THADA: variants seen among roughly 807,000 people sequenced by gnomAD.
THADA encodes the protein tRNA (32-2'-O)-methyltransferase regulator THADA.
THADA carries 213 observed loss-of-function variants against 219.8 expected under a neutral mutation model. The observed-to-expected ratio is 0.97, with a 90% CI of 0.87 to 1.09. THADA has a LOEUF of 1.09. Ranked by LOEUF, THADA falls within the 50% of genes least tolerant of loss-of-function variation. THADA has a pLI of 0.00. For synonymous variants in THADA, 1,018 were observed against 828.9 expected (o/e 1.23, Z -3.92); for missense variants, 2,956 against 2,311.3 (o/e 1.28, Z -5.72).
chr2:43,273,976 C>CCA (rs1210102231), intron 36 of THADA, among the ~76,000 whole-genome samples: 4 of 152,112 alleles, frequency 2.6e-5, no homozygotes, highest in Non-Finnish European at 2.9e-5. Context: ...CCTCACAATG[C>CCA]CACTTGCCTA....
intron 26 of THADA, among the ~76,000 whole-genome samples, chr2:43,476,698 G>A (rs778629623): frequency 9.9e-5 from 15 of 152,020 alleles, no homozygotes; most frequent in African/African-American, 2.7e-4. Flanking sequence ...ATGTTATGTC[G>A]TTCTCCCTGT....
chr2:43,265,104 G>C (rs936802106), intron 36 of THADA, among the ~76,000 whole-genome samples: 2 of 152,166 alleles, frequency 1.3e-5, no homozygotes, highest in Non-Finnish European at 2.9e-5. Context: ...TCTCAGAGTC[G>C]AATTTAAAAT....
intron 36 of THADA, among the ~76,000 whole-genome samples, chr2:43,261,366 G>A (rs1670923842): frequency 6.6e-6 from 1 of 151,406 alleles, no homozygotes; most frequent in Non-Finnish European, 1.5e-5. Context: ...TGGGACTACA[G>A]GCATGCACCA....
chr2:43,417,535 G>C (rs1039420867), intron 28 of THADA, among the ~76,000 whole-genome samples: 55 of 152,094 alleles, frequency 3.6e-4, no homozygotes, highest in African/African-American at 1.3e-3. Context: ...CTTTTCTCCT[G>C]ATTTCAGATT....
intron 25 of THADA, among the ~76,000 whole-genome samples, chr2:43,494,369 C>T (rs12478601): frequency 0.61 from 91,995 of 152,008 alleles, 29,098 homozygotes; most frequent in African/African-American, 0.77. Flanking sequence ...GTTAGTACCA[C>T]TCAATAAAAT....
chr2:43,472,310 C>A (rs1045281551), intron 26 of THADA, among the ~76,000 whole-genome samples: 1 of 152,166 alleles, frequency 6.6e-6, no homozygotes, highest in African/African-American at 2.4e-5. Context: ...AATTGAAATA[C>A]GTTTTTCCAA....
chr2:43,373,776 C>T (rs976800599), intron 29 of THADA, among the ~76,000 whole-genome samples: 7 of 152,140 alleles, frequency 4.6e-5, no homozygotes, highest in African/African-American at 1.7e-4. Context: ...ATGAGCCTGC[C>T]CAAGTCTAAT....
At chr2:43,544,591 G>A (rs1330266983) in intron 20 of THADA, among the ~76,000 whole-genome samples, 107 of 150,618 alleles carry the variant, frequency 7.1e-4, no homozygotes, top group East Asian at 2.3e-3. Context: ...GGTCCTTCAC[G>A]TCCCTTGTAA....
chr2:43,548,247 C>T (rs909904996), intron 20 of THADA, among the ~76,000 whole-genome samples: 6 of 152,162 alleles, frequency 3.9e-5, no homozygotes, highest in Admixed American at 6.5e-5. Context: ...GAGGGGTACC[C>T]GGCCATGTGA....
intron 21 of THADA, among the ~76,000 whole-genome samples, chr2:43,532,326 C>A (rs1232665912): frequency 1.3e-5 from 2 of 150,010 alleles, no homozygotes; most frequent in Non-Finnish European, 3.0e-5. Flanking sequence ...GGCAGGAGAC[C>A]CGTTTGAACC....
chr2:43,242,042 C>G (rs573718357), intron 36 of THADA, among the ~76,000 whole-genome samples: 32 of 152,252 alleles, frequency 2.1e-4, no homozygotes, highest in Non-Finnish European at 1.3e-4. Flanking sequence ...TTTCACTTAG[C>G]CTGCCGGCCT....
At chr2:43,267,559 C>T (rs542608726) in intron 36 of THADA, among the ~76,000 whole-genome samples, 2 of 152,326 alleles carry the variant, frequency 1.3e-5, no homozygotes, top group East Asian at 3.9e-4. Context: ...TGGCTGAGAT[C>T]TGTGGCAGAT....
intron 26 of THADA, among the ~76,000 whole-genome samples, chr2:43,445,632 T>C (rs1049993125): frequency 6.6e-6 from 1 of 152,250 alleles, no homozygotes; most frequent in African/African-American, 2.4e-5. Flanking sequence ...CTTGTTTCCC[T>C]GCCGATCCTC....
chr2:43,261,087 T>G (rs1670880519), intron 36 of THADA, among the ~76,000 whole-genome samples: 1 of 152,206 alleles, frequency 6.6e-6, no homozygotes, highest in Non-Finnish European at 1.5e-5. Context: ...GGATAACTTT[T>G]ATCATTATCC....
chr2:43,497,376 G>A (rs1688394768), intron 25 of THADA, among the ~76,000 whole-genome samples: 1 of 152,194 alleles, frequency 6.6e-6, no homozygotes, highest in South Asian at 2.1e-4. Context: ...ATGAGATCAT[G>A]TCCTTTGCAG....
chr2:43,285,052 C>G (rs1224659923), intron 35 of THADA, among the ~76,000 whole-genome samples: 1 of 152,208 alleles, frequency 6.6e-6, no homozygotes, highest in East Asian at 1.9e-4. Context: ...AAGTAGCTAA[C>G]TTGTTTTTGA....
intron 29 of THADA, 76 bp downstream of exon 29, chr2:43,397,895 C>G: frequency 6.8e-7 from 1 of 1,471,234 alleles, no homozygotes; most frequent in Non-Finnish European, 9.3e-7. Context: ...CAAATCTTCA[C>G]CAGCTAACAG....
At chr2:43,328,411 G>A (rs1679576911) in intron 30 of THADA, among the ~76,000 whole-genome samples, 1 of 152,164 alleles carries the variant, frequency 6.6e-6, no homozygotes, top group Non-Finnish European at 1.5e-5. Flanking sequence ...GCCTTTCTTG[G>A]TCTGGAGCTT....
intron 20 of THADA, among the ~76,000 whole-genome samples, chr2:43,544,296 A>G (rs1350345677): frequency 6.6e-6 from 1 of 152,182 alleles, no homozygotes; most frequent in South Asian, 2.1e-4. Context: ...CATAGTTTGA[A>G]GTCAGGTAGC....
Sources: gnomAD v4.1 joint callset for allele counts (sites outside exome capture counted in the v4.1 genomes callset) on GRCh38, gnomAD v4.1.1 for gene constraint, MANE v1.5 for transcripts, NCBI Gene and HGNC (gene_info 2026-07-23, HGNC 2026-07-21) for gene names.